The following SORCS2 variants were observed in gnomAD, a reference collection of about 807,000 sequenced individuals.
SORCS2 encodes the protein sortilin related VPS10 domain containing receptor 2.
Under a neutral mutation model 141.6 loss-of-function variants are expected in SORCS2, and 100 were observed. The ratio of observed to expected loss-of-function variants is 0.71; its 90% CI spans 0.60 to 0.83. The LOEUF (loss-of-function observed/expected upper bound fraction) is 0.83. SORCS2 is among the 40% of genes least tolerant of loss of function. The pLI, the probability that SORCS2 is intolerant of heterozygous loss-of-function variation, is 0.00. For synonymous variants in SORCS2, 789 were observed against 676.9 expected, an observed-to-expected ratio of 1.17 and a Z score of -2.57; for missense variants, 1,646 against 1,560.2, an observed-to-expected ratio of 1.05 and a Z score of -0.93.
chr4:7,312,693 G>A (rs1301899334), intron 1 of SORCS2, among the ~76,000 whole-genome samples: 1 of 152,128 alleles, frequency 6.6e-6, no homozygotes, highest in Non-Finnish European at 1.5e-5. Context: ...GGGTTACCCT[G>A]CTGTGTGCCA....
intron 1 of SORCS2, among the ~76,000 whole-genome samples, chr4:7,341,033 G>A (rs1271050257): frequency 1.3e-5 from 2 of 152,224 alleles, no homozygotes; most frequent in South Asian, 2.1e-4. Context: ...CAAAGGAAGC[G>A]TGAGGAGTGA....
At position 7,737,173 on chromosome 4, in the gene SORCS2, G is replaced by C; in HGVS notation, c.3415+1G>C. The C allele has an allele frequency of 6.4e-7, 1 of 1,551,170 alleles. No homozygotes were observed. The highest frequency in any genetic ancestry group is 8.7e-7 in the Non-Finnish European group (1 of 1,146,910). ...GAGGACGTCCAGGGCGCTGTCCAGG[G>C]TGAGGAGTTTATAGATGATGATCTC... On this transcript the variant is annotated splice_donor_variant, in intron 26 of 26. Transcript: ENST00000507866. LOFTEE classifies it high-confidence loss of function.
At position 7,688,947 on chromosome 4, in the gene SORCS2, C is replaced by G. The variant is rs139693658; in HGVS notation, c.1489-539C>G. ...TGTATCTCAAAGTGAGAGGGTCTTACGGGGTGACCCCAGCTGTCCTCTGAT... is the reference window on the plus strand; with the variant it reads ...TGTATCTCAAAGTGAGAGGGTCTTAGGGGGTGACCCCAGCTGTCCTCTGAT... On this transcript the variant is annotated intron_variant, in intron 10 of 26. Coordinates refer to ENST00000507866, the MANE Select transcript of SORCS2 (RefSeq NM_020777.3). Among the ~76,000 whole-genome samples the G allele has an allele frequency of 2.0e-5, 3 of 152,318 alleles. No homozygotes were observed. The East Asian group carries it at 5.8e-4, about 29-fold the overall frequency.
intron 2 of SORCS2, among the ~76,000 whole-genome samples, chr4:7,496,674 A>G (rs114856296): frequency 0.016 from 2,453 of 152,206 alleles, 36 homozygotes; most frequent in South Asian, 0.032. Context: ...AATTTATAGC[A>G]GGGATTCATT....
intron 1 of SORCS2, among the ~76,000 whole-genome samples, chr4:7,372,451 C>T (rs960241286): frequency 6.6e-6 from 1 of 152,020 alleles, no homozygotes; most frequent in African/African-American, 2.4e-5. Flanking sequence ...GGATTACAGG[C>T]ACCTGCTACC....
intron 2 of SORCS2, chr4:7,434,554 C>CTGA: frequency 6.2e-7 from 1 of 1,613,516 alleles, no homozygotes. Context: ...ATCCACCATC[C>CTGA]ACTTGCATCC....
Position 7,218,083 on chromosome 4 carries a change from C to T in SORCS2, c.480+24957C>T, listed in dbSNP as rs1466203483. 5.9e-5 allele frequency among the ~76,000 whole-genome samples: 9 copies of T among 152,014 alleles called. No homozygotes were observed. In the East Asian group the frequency reaches 1.2e-3, roughly 20 times the overall value. Reference sequence around the variant, plus strand: ...GAATGGCCAGGGTGGGCAGAGCTGCCGGATGGGTTGGGGGTCAGGAGGGGC... The same window carrying T: ...GAATGGCCAGGGTGGGCAGAGCTGCTGGATGGGTTGGGGGTCAGGAGGGGC... On this transcript the variant is annotated intron_variant, in intron 1 of 26. Coordinates refer to ENST00000507866, the MANE Select transcript of SORCS2 (RefSeq NM_020777.3).
rs567840684 is a variant in SORCS2, at chr4:7,250,861, G to A, written c.480+57735G>A. Among the ~76,000 whole-genome samples, 16 of 152,392 alleles carry A rather than the reference G, an allele frequency of 1.0e-4. No homozygotes were observed. In the South Asian group the frequency reaches 3.3e-3, roughly 32 times the overall value. On this transcript the variant is annotated intron_variant, in intron 1 of 26. Transcript: ENST00000507866. ...GGCTTTCGCTGAAGGCGAGAAGAAC[G>A]GGGCCTTTTAATATGGACTCGTTGC...
At chr4:7,244,388 T>C (rs1303384867) in intron 1 of SORCS2, among the ~76,000 whole-genome samples, 1 of 152,264 alleles carries the variant, frequency 6.6e-6, no homozygotes, top group Non-Finnish European at 1.5e-5. Flanking sequence ...GATGCCAGCC[T>C]GCCTGGTGGA....
chr4:7,724,150 G>GGTGGTGGTGGTGGTGGTGGTGATA (rs1560113013), intron 19 of SORCS2, among the ~76,000 whole-genome samples: 3 of 135,474 alleles, frequency 2.2e-5, no homozygotes, highest in African/African-American at 9.9e-5. Context: ...TGATGGTCGT[G>GGTGGTGGTGGTGGTGGTGGTGATA]GTGGTGGTGG....
At chr4:7,494,623 G>T (rs1192519044) in intron 2 of SORCS2, among the ~76,000 whole-genome samples, 3 of 152,128 alleles carry the variant, frequency 2.0e-5, no homozygotes, top group African/African-American at 4.8e-5. Flanking sequence ...CCTCCCAAAG[G>T]CCCCATCTCC....
chr4:7,411,041 T>C (rs1445309444), intron 2 of SORCS2, among the ~76,000 whole-genome samples: 4 of 138,792 alleles, frequency 2.9e-5, no homozygotes, highest in African/African-American at 1.1e-4. Context: ...CCGCAACCTC[T>C]GCCTCCCGGG....
chr4:7,716,859 C>G (rs144613723), intron 17 of SORCS2, among the ~76,000 whole-genome samples: 1 of 152,244 alleles, frequency 6.6e-6, no homozygotes, highest in Non-Finnish European at 1.5e-5. Flanking sequence ...ATACCATCTG[C>G]ACGCTGTAGG....
chr4:7,465,635 G>A (rs1319988239), intron 2 of SORCS2, among the ~76,000 whole-genome samples: 4 of 152,162 alleles, frequency 2.6e-5, no homozygotes, highest in African/African-American at 4.8e-5. Context: ...ATAAAGATAC[G>A]TAGACATTCT....
intron 1 of SORCS2, among the ~76,000 whole-genome samples, chr4:7,240,454 G>T (rs1049925953): frequency 6.6e-6 from 1 of 152,156 alleles, no homozygotes; most frequent in Non-Finnish European, 1.5e-5. Context: ...CTAATTTGCC[G>T]GGGAGCTTGG....
chr4:7,453,929 A>G lies in SORCS2; in HGVS notation c.548+57574A>G, dbSNP rs1261290423. On this transcript the variant is annotated intron_variant, in intron 2 of 26. Coordinates refer to ENST00000507866, the MANE Select transcript of SORCS2 (RefSeq NM_020777.3). ...TTCAGGTGCTGTGTTGGGGTCAGGC[A>G]CTGTGTTGGGGTCAGGAGCTGTGTG... Among the ~76,000 whole-genome samples the G allele has an allele frequency of 2.7e-4, 22 of 82,622 alleles. 1 individual carries two copies. The East Asian group carries it at 3.7e-3, about 14-fold the overall frequency. 54.2% of individuals were successfully genotyped at this position (82,622 alleles called of 152,430 possible).
intron 2 of SORCS2, among the ~76,000 whole-genome samples, chr4:7,422,382 C>A (rs1726136394): frequency 6.6e-6 from 1 of 152,206 alleles, no homozygotes; most frequent in African/African-American, 2.4e-5. Context: ...CTTCTACAGC[C>A]TGGGCAGGCC....
chr4:7,267,998 G>T (rs1460736266), intron 1 of SORCS2, among the ~76,000 whole-genome samples: 1 of 152,240 alleles, frequency 6.6e-6, no homozygotes, highest in Non-Finnish European at 1.5e-5. Context: ...GGAGCCGGAA[G>T]ATGCAGGCCC....
In SORCS2 at chr4:7,676,190, A is replaced by G. The variant is rs528774761; in HGVS notation, c.1302A>G (p.Ser434=). ...TGGTGCTGCAGGACGTGCGCAGCTC[A>G]CGGCAGGCGGAGGAGAGCGTGCTCA... is the stretch of plus-strand genomic sequence containing the variant. The part of the protein sequence containing the change: ...YALVLQDVRS[S]RQAEESVLID... Residue 434 remains serine (S), a synonymous_variant, in exon 9 of 27, where the codon TCA becomes TCG. Transcript: ENST00000507866. The G allele has an allele frequency of 6.4e-7, 1 of 1,553,496 alleles. No homozygotes were observed. Among genetic ancestry groups the G allele is most frequent in the South Asian group, 1.2e-5 (1 of 84,140 alleles).
Sources: allele counts gnomAD v4.1 joint callset (sites outside exome capture counted in the v4.1 genomes callset), GRCh38; gene constraint gnomAD v4.1.1; transcripts MANE v1.5; gene names NCBI Gene and HGNC (gene_info 2026-07-23, HGNC 2026-07-21).